The following SLC25A27 variants were observed in gnomAD, a reference collection of about 807,000 sequenced individuals.
The protein encoded by SLC25A27 is solute carrier family 25 member 27, also known as mitochondrial uncoupling protein 4.
A neutral mutation model predicts 49.1 loss-of-function variants in SLC25A27; 35 were observed. The ratio of observed to expected loss-of-function variants is 0.71; its 90% CI spans 0.54 to 0.95. The LOEUF (loss-of-function observed/expected upper bound fraction) is 0.95, where lower values mean the gene tolerates loss of function less well. Ranked by LOEUF, SLC25A27 falls within the 40% of genes least tolerant of loss-of-function variation. The pLI, the probability that SLC25A27 is intolerant of heterozygous loss-of-function variation, is 0.00. For synonymous variants in SLC25A27, 144 were observed against 136.9 expected (o/e 1.05, Z -0.36); for missense variants, 339 against 397.1 (o/e 0.85, Z 1.24).
At chr6:46,675,767 T>A (rs1242478354) in intron 8 of SLC25A27, among the ~76,000 whole-genome samples, 1 of 152,188 alleles carries the variant, frequency 6.6e-6, no homozygotes, top group African/African-American at 2.4e-5. Flanking sequence ...CTTTTATAAT[T>A]CCTTTAGATG....
chr6:46,670,125 G>T lies in SLC25A27; in HGVS notation c.705-10G>T. On this transcript the variant is annotated splice_polypyrimidine_tract_variant and intron_variant, in intron 6 of 8. Transcript: ENST00000371347. ...TACCATCTTTCAATTTCATTTATTTGTATTTATAGTTTATGTTCTGGACTG... is the reference window on the plus strand; with the variant it reads ...TACCATCTTTCAATTTCATTTATTTTTATTTATAGTTTATGTTCTGGACTG... 6.3e-7 allele frequency: 1 copy of T among 1,579,978 alleles called. No individual in the cohort carries two copies. The highest frequency in any genetic ancestry group is 1.1e-5 in the South Asian group (1 of 88,264).
chr6:46,668,986 A>ATG (rs926628812), intron 6 of SLC25A27, among the ~76,000 whole-genome samples, 193 bp downstream of exon 6: 14 of 152,188 alleles, frequency 9.2e-5, no homozygotes, highest in African/African-American at 2.4e-4. Context: ...AAGTTGTAGG[A>ATG]TGTTTTGGAT....
At chr6:46,657,527 G>A (rs1291358074) in intron 2 of SLC25A27, among the ~76,000 whole-genome samples, 1 of 152,012 alleles carries the variant, frequency 6.6e-6, no homozygotes, top group Non-Finnish European at 1.5e-5. Flanking sequence ...TGGCAAAAAT[G>A]TTAGCAGTTA....
At chr6:46,673,510 G>A (rs563889490) in intron 8 of SLC25A27, among the ~76,000 whole-genome samples, 19 of 152,300 alleles carry the variant, frequency 1.2e-4, no homozygotes, top group African/African-American at 3.8e-4. Context: ...TTGGGAAGTC[G>A]CAAGAGGCTT....
rs1762820872 is a variant in SLC25A27 at position 46,653,273 on chromosome 6, C to G, written c.81C>G (p.Gly27=). The G allele has an allele frequency of 6.2e-7, 1 of 1,613,040 alleles. No homozygotes were observed. The highest frequency in any genetic ancestry group is 1.3e-5 in the African/African-American group (1 of 74,932). The stretch of plus-strand genomic sequence containing the variant: ...GAGCGAGCAAATTCCTACTGTCCGG[C>G]TGCGCGGCTACCGTGGCCGAGCTAG... ...WPRASKFLLS[G]CAATVAELAT... is the part of the protein sequence containing the mutation. The change falls in exon 1 of 9, where the codon GGC becomes GGG. Residue 27 remains glycine, a synonymous_variant. Coordinates refer to ENST00000371347, the MANE Select transcript of SLC25A27 (RefSeq NM_004277.5).
chr6:46,664,941 G>A (rs1763276568), intron 5 of SLC25A27, 55 bp downstream of exon 5: 1 of 802,978 alleles, frequency 1.2e-6, no homozygotes, highest in South Asian at 2.0e-5. Context: ...ATAGCTGTAA[G>A]CACTTATATT....
At chr6:46,654,870 G>A (rs532835759) in intron 1 of SLC25A27, among the ~76,000 whole-genome samples, 21 of 152,162 alleles carry the variant, frequency 1.4e-4, no homozygotes, top group Admixed American at 6.5e-4. Flanking sequence ...TCTTGGAAAA[G>A]GTATACTAAG....
intron 5 of SLC25A27, 37 bp downstream of exon 5, chr6:46,664,923 T>C: frequency 9.2e-7 from 1 of 1,088,934 alleles, no homozygotes; most frequent in Non-Finnish European, 1.3e-6. Flanking sequence ...AAAGTCCTAA[T>C]TGCCTTAATA....
In SLC25A27 at chr6:46,656,028, C is replaced by T; in HGVS notation, c.292C>T (p.His98Tyr). The change falls in exon 2 of 9, where the codon CAC becomes TAC. Residue 98 changes from histidine to tyrosine, a missense_variant. Coordinates refer to ENST00000371347, the MANE Select transcript of SLC25A27 (RefSeq NM_004277.5). The part of the protein sequence containing the change: ...WQGVTPAIYR[H>Y]VVYSGGRMVT... ...AGGAGTGACACCCGCCATTTACAGA[C>T]ACGTAGGTATTTATCTTGATTCTAG... 1 of 1,608,046 alleles carries T rather than the reference C, an allele frequency of 6.2e-7. No homozygotes were observed. Among genetic ancestry groups the T allele is most frequent in the Non-Finnish European group, 8.5e-7 (1 of 1,177,718 alleles).
intron 2 of SLC25A27, among the ~76,000 whole-genome samples, chr6:46,657,920 C>T (rs1293708145): frequency 6.6e-6 from 1 of 152,220 alleles, no homozygotes. Flanking sequence ...ATGGTTGCAA[C>T]TATGCCAGTT....
In SLC25A27 at chr6:46,659,081, C is replaced by T. The variant is rs570491455; in HGVS notation, c.383+35C>T. 40 of 1,352,948 alleles carry T rather than the reference C, an allele frequency of 3.0e-5. No homozygotes were observed. In the African/African-American group the frequency reaches 4.3e-4, roughly 15 times the overall value. 83.8% of individuals were successfully genotyped at this position (1,352,948 alleles called of 1,614,324 possible). On this transcript the variant is annotated intron_variant, in intron 3 of 8. Transcript: ENST00000371347. ...GTTTGGAAAATAATATGCTGTTGCCCCAAATGCCTTAATGTTTATTAGGTT... is the reference window on the plus strand; with the variant it reads ...GTTTGGAAAATAATATGCTGTTGCCTCAAATGCCTTAATGTTTATTAGGTT...
At chr6:46,667,214 G>T (rs1397121311) in intron 5 of SLC25A27, among the ~76,000 whole-genome samples, 2 of 151,902 alleles carry the variant, frequency 1.3e-5, no homozygotes, top group African/African-American at 2.4e-5. Context: ...AGTTGTTTTT[G>T]ATTTCTTTCT....
chr6:46,665,660 T>C lies in SLC25A27; in HGVS notation c.619+774T>C, dbSNP rs1012212275. Among the ~76,000 whole-genome samples, 5 of 152,138 alleles carry C rather than the reference T, an allele frequency of 3.3e-5. No individual in the cohort carries two copies. In the East Asian group the frequency reaches 9.7e-4, roughly 29 times the overall value. On this transcript the variant is annotated intron_variant, in intron 5 of 8. Coordinates refer to ENST00000371347, the MANE Select transcript of SLC25A27 (RefSeq NM_004277.5). ...GAGATCGCGCCACTGTACTCTAGAC[T>C]GGGCAACAGAGCGAGACTCCATCTC...
chr6:46,654,357 C>T (rs1762892324), intron 1 of SLC25A27, among the ~76,000 whole-genome samples: 1 of 152,132 alleles, frequency 6.6e-6, no homozygotes, highest in Admixed American at 6.5e-5. Flanking sequence ...CTTTTAGCCC[C>T]TCTATTTTTT....
At chr6:46,674,728 A>C (rs910114287) in intron 8 of SLC25A27, among the ~76,000 whole-genome samples, 1 of 152,198 alleles carries the variant, frequency 6.6e-6, no homozygotes, top group Non-Finnish European at 1.5e-5. Flanking sequence ...TGGATGTTCA[A>C]GTCCTCTGGC....
At chr6:46,656,068 A>G (rs897916318) in intron 2 of SLC25A27, 34 bp downstream of exon 2, 2 of 1,564,054 alleles carry the variant, frequency 1.3e-6, no homozygotes, top group African/African-American at 1.4e-5. Flanking sequence ...TAAGTTTGTT[A>G]TGAGTTCTGT....
rs918050563 is a variant in SLC25A27 at position 46,664,897 on chromosome 6, C to G, written c.619+11C>G. ...TGGTGAATATGGGAGGTAATGAAAA[C>G]TTTGTTAAATTCTAAAAAGTCCTAA... On this transcript the variant is annotated intron_variant, in intron 5 of 8. Transcript: ENST00000371347. 2.0e-6 allele frequency: 3 copies of G among 1,465,484 alleles called. No individual in the cohort carries two copies. The African/African-American group carries it at 4.3e-5, about 21-fold the overall frequency. 90.8% of individuals were successfully genotyped at this position (1,465,484 alleles called of 1,614,324 possible). A position where few individuals can be genotyped will look rare whatever the true frequency, so the allele number is the denominator to read the frequency against.
chr6:46,671,252 G>GTT, intron 8 of SLC25A27, 24 bp downstream of exon 8: 1 of 1,329,304 alleles, frequency 7.5e-7, no homozygotes, highest in Non-Finnish European at 1.0e-6. Flanking sequence ...TACTTCCTTT[G>GTT]TTTTTTTTCT....
intron 5 of SLC25A27, among the ~76,000 whole-genome samples, chr6:46,666,717 T>C (rs914922847): frequency 6.6e-6 from 1 of 152,192 alleles, no homozygotes; most frequent in Non-Finnish European, 1.5e-5. Flanking sequence ...AACCAAACTC[T>C]TTTATCACAC....
Sources: allele counts gnomAD v4.1 joint callset (sites outside exome capture counted in the v4.1 genomes callset), GRCh38; gene constraint gnomAD v4.1.1; transcripts MANE v1.5; gene names NCBI Gene and HGNC (gene_info 2026-07-23, HGNC 2026-07-21).